PPP2R5E: variants seen among roughly 807,000 people sequenced by gnomAD.
PPP2R5E encodes protein phosphatase 2 regulatory subunit B'epsilon.
Under a neutral mutation model 65.3 loss-of-function variants are expected in PPP2R5E, and 4 were observed. The observed-to-expected ratio is 0.06, with a 90% confidence interval of 0.03 to 0.14. PPP2R5E has a LOEUF of 0.14. Ranked by LOEUF, PPP2R5E falls within the 10% of genes least tolerant of loss-of-function variation. The pLI, the probability that PPP2R5E is intolerant of heterozygous loss-of-function variation, is 1.00. For synonymous variants in PPP2R5E, 183 were observed against 187.4 expected (o/e 0.98, Z 0.19); for missense variants, 274 against 556.1 (o/e 0.49, Z 5.10).
chr14:63,451,148 T>C (rs1888803402), intron 3 of PPP2R5E: 3 of 151,974 alleles, frequency 2.0e-5, no homozygotes, highest in Admixed American at 2.0e-4. Flanking sequence ...TAAAAGTAAA[T>C]GCAAATTAAA....
chr14:63,399,642 C>G (rs972912940), intron 5 of PPP2R5E, among the ~76,000 whole-genome samples: 3 of 151,870 alleles, frequency 2.0e-5, no homozygotes, highest in Non-Finnish European at 4.4e-5. Context: ...GTATGAATTA[C>G]AACACAATAA....
chr14:63,483,141 C>T (rs1348261360), intron 2 of PPP2R5E, among the ~76,000 whole-genome samples: 1 of 151,884 alleles, frequency 6.6e-6, no homozygotes, highest in Non-Finnish European at 1.5e-5. Context: ...CTCATCTGTA[C>T]TTTAAAAATA....
In PPP2R5E at chr14:63,465,509, T is replaced by C. The variant is rs78252069; in HGVS notation, c.158-11624A>G. 7.9e-3 allele frequency among the ~76,000 whole-genome samples: 1,183 copies of C among 149,984 alleles called. 43 individuals carry two copies. The East Asian group carries it at 0.11, about 14-fold the overall frequency. On this transcript the variant is annotated intron_variant, in intron 2 of 13. Coordinates refer to ENST00000337537, the MANE Select transcript of PPP2R5E (RefSeq NM_006246.5). ...CAAAAGATTAGCCAGGCCTGTAGTC[T>C]CAGCTACTTAGGAGGCTGAGGTCAG...
chr14:63,445,338 A>G (rs547462777), intron 3 of PPP2R5E, among the ~76,000 whole-genome samples: 1 of 152,374 alleles, frequency 6.6e-6, no homozygotes, highest in Admixed American at 6.5e-5. Flanking sequence ...ACCGTAGTCT[A>G]TAAAGTGCAC....
chr14:63,476,525 A>T (rs1890419956), intron 2 of PPP2R5E, among the ~76,000 whole-genome samples: 2 of 152,186 alleles, frequency 1.3e-5, no homozygotes, highest in Admixed American at 6.5e-5. Context: ...ATATCCTTTA[A>T]TAAGGAGGCT....
At chr14:63,387,824 G>A (rs73272548) in intron 11 of PPP2R5E, among the ~76,000 whole-genome samples, 3,936 of 152,180 alleles carry the variant, frequency 0.026, 183 homozygotes, top group African/African-American at 0.09. Context: ...GATAATACAG[G>A]GGCCTTATAA....
chr14:63,538,008 A>C (rs1473213400), intron 2 of PPP2R5E, among the ~76,000 whole-genome samples: 1 of 152,224 alleles, frequency 6.6e-6, no homozygotes, highest in South Asian at 2.1e-4. Flanking sequence ...AAAATTCTTC[A>C]TATTAAAAAC....
At chr14:63,508,255 C>A (rs1048181291) in intron 2 of PPP2R5E, 1 of 983,104 alleles carries the variant, frequency 1.0e-6, no homozygotes, top group African/African-American at 1.7e-5. Context: ...CTAAACCACG[C>A]GGCTCACTTG....
intron 2 of PPP2R5E, among the ~76,000 whole-genome samples, chr14:63,523,418 T>C: frequency 6.6e-6 from 1 of 151,996 alleles, no homozygotes; most frequent in Non-Finnish European, 1.5e-5. Context: ...CCCCCAACCC[T>C]GTGCTCTCTG....
chr14:63,539,346 G>A lies in PPP2R5E; in HGVS notation c.157+183C>T, dbSNP rs369320399. On this transcript the variant is annotated intron_variant, in intron 2 of 13. Transcript: ENST00000337537. ...GTTTCTTTTAACTTGCCCAAAGACA[G>A]ACTAAATTGAGCCTTTAAAAAGGAG... 9.2e-5 allele frequency among the ~76,000 whole-genome samples: 14 copies of A among 152,288 alleles called. No individual in the cohort carries two copies. In the South Asian group the frequency reaches 2.9e-3, roughly 32 times the overall value.
At chr14:63,520,502 G>A (rs1892856937) in intron 2 of PPP2R5E, among the ~76,000 whole-genome samples, 1 of 152,186 alleles carries the variant, frequency 6.6e-6, no homozygotes, top group Admixed American at 6.5e-5. Context: ...CCAAATATCA[G>A]AGACCAATCC....
chr14:63,412,126 C>T (rs1886423415), intron 5 of PPP2R5E, among the ~76,000 whole-genome samples: 1 of 152,066 alleles, frequency 6.6e-6, no homozygotes, highest in South Asian at 2.1e-4. Context: ...GAACATATGC[C>T]AAGTACTACA....
At chr14:63,421,554 T>C (rs1458374525) in intron 4 of PPP2R5E, among the ~76,000 whole-genome samples, 2 of 152,334 alleles carry the variant, frequency 1.3e-5, no homozygotes, top group Admixed American at 6.5e-5. Context: ...CAGTTTGGTT[T>C]TGTCCTTCTA....
chr14:63,464,798 G>A (rs1024736998), intron 2 of PPP2R5E, among the ~76,000 whole-genome samples: 5 of 152,168 alleles, frequency 3.3e-5, no homozygotes, highest in South Asian at 2.1e-4. Context: ...CGAGGTGAGC[G>A]GATTACCTGA....
chr14:63,532,365 A>G (rs1893470278), intron 2 of PPP2R5E, among the ~76,000 whole-genome samples: 1 of 152,206 alleles, frequency 6.6e-6, no homozygotes, highest in Non-Finnish European at 1.5e-5. Flanking sequence ...ACTAAATAAC[A>G]TGGCAAGATA....
In PPP2R5E at chr14:63,382,039, A is replaced by T; in HGVS notation, c.1304+17T>A. On this transcript the variant is annotated intron_variant, in intron 13 of 13. Coordinates refer to ENST00000337537, the MANE Select transcript of PPP2R5E (RefSeq NM_006246.5). ...ATAGCTTTATGCACAGCTGACAAAAAAGCTTTAAAAAGTTACCGCTGACGA... is the reference window on the plus strand; with the variant it reads ...ATAGCTTTATGCACAGCTGACAAAATAGCTTTAAAAAGTTACCGCTGACGA... 6.3e-7 allele frequency: 1 copy of T among 1,595,000 alleles called. No individual in the cohort carries two copies. Among genetic ancestry groups the T allele is most frequent in the Non-Finnish European group, 8.6e-7 (1 of 1,167,236 alleles).
chr14:63,441,031 G>A (rs141839989), intron 3 of PPP2R5E, among the ~76,000 whole-genome samples: 351 of 151,438 alleles, frequency 2.3e-3, no homozygotes, highest in African/African-American at 8.1e-3. Context: ...GAGTGGCTTT[G>A]GACAAGTTTC....
At chr14:63,438,471 G>C (rs1186219803) in intron 3 of PPP2R5E, among the ~76,000 whole-genome samples, 1 of 152,084 alleles carries the variant, frequency 6.6e-6, no homozygotes. Flanking sequence ...CAGCTTCAAG[G>C]TTAAATTAAA....
chr14:63,410,994 C>T (rs1048521159), intron 5 of PPP2R5E, among the ~76,000 whole-genome samples: 1 of 152,214 alleles, frequency 6.6e-6, no homozygotes, highest in Admixed American at 6.5e-5. Flanking sequence ...AACTTCACCA[C>T]TGACACTTTA....
Sources: allele counts gnomAD v4.1 joint callset (sites outside exome capture counted in the v4.1 genomes callset), GRCh38; gene constraint gnomAD v4.1.1; transcripts MANE v1.5; gene names NCBI Gene and HGNC (gene_info 2026-07-23, HGNC 2026-07-21).